The following GAPVD1 variants were observed in gnomAD, a reference collection of about 807,000 sequenced individuals.
The protein encoded by GAPVD1 is GTPase-activating protein and VPS9 domain-containing protein 1.
GAPVD1 carries 35 observed loss-of-function variants against 155.5 expected under a neutral mutation model. That is an observed-to-expected ratio of 0.23 (90% CI 0.17 to 0.30). GAPVD1 has a LOEUF of 0.30. Among genes scored for constraint, GAPVD1 ranks in the 10% least tolerant of loss-of-function variants. The pLI is 1.00. For missense variants in GAPVD1, 1,429 were observed against 1,775.7 expected, an observed-to-expected ratio of 0.80 and a Z score of 3.51; for synonymous variants, 636 against 619.7, an observed-to-expected ratio of 1.03 and a Z score of -0.39.
intron 23 of GAPVD1, among the ~76,000 whole-genome samples, chr9:125,352,052 G>T (rs1849363219): frequency 6.6e-6 from 1 of 152,136 alleles, no homozygotes; most frequent in African/African-American, 2.4e-5. Context: ...GGGTTCCCAT[G>T]GTCTTAGGCA....
intron 1 of GAPVD1, among the ~76,000 whole-genome samples, chr9:125,265,226 T>A (rs1833661875): frequency 6.6e-6 from 1 of 152,158 alleles, no homozygotes; most frequent in Non-Finnish European, 1.5e-5. Context: ...TACTGTGTGA[T>A]CCTAGGTTGT....
chr9:125,304,988 G>A (rs1270156882), intron 5 of GAPVD1, 75 bp from the exon 6 acceptor site: 1 of 932,940 alleles, frequency 1.1e-6, no homozygotes, highest in Non-Finnish European at 1.8e-6. Context: ...GAATAGACGT[G>A]CTTGCTTTCA....
At chr9:125,300,018 C>CAAAATAAAAAAAAAAAAA (rs1564330046) in intron 4 of GAPVD1, among the ~76,000 whole-genome samples, 1 of 1,934 alleles carries the variant, frequency 5.2e-4, no homozygotes, top group African/African-American at 1.5e-3. Context: ...GACTCTGTCT[C>CAAAATAAAAAAAAAAAAA]AAAAGAAAAA....
At chr9:125,270,936 C>T (rs1411053254) in intron 2 of GAPVD1, among the ~76,000 whole-genome samples, 1 of 151,756 alleles carries the variant, frequency 6.6e-6, no homozygotes, top group African/African-American at 2.4e-5. Context: ...GCAACAAGAG[C>T]GAAACTCCAT....
At chr9:125,288,112 ATTTT>A (rs368994271) in intron 2 of GAPVD1, among the ~76,000 whole-genome samples, 1 of 115,310 alleles carries the variant, frequency 8.7e-6, no homozygotes, top group Non-Finnish European at 1.9e-5. Context: ...ATTTTAGTTA[ATTTT>A]TTTTTTTTTT....
At chr9:125,330,272 T>G in intron 13 of GAPVD1, 54 bp downstream of exon 13, 1 of 1,260,664 alleles carries the variant, frequency 7.9e-7, no homozygotes, top group South Asian at 1.4e-5. Flanking sequence ...TTTAATTAAA[T>G]GCAAGGTATC....
At chr9:125,266,539 T>C (rs1017849853) in intron 1 of GAPVD1, among the ~76,000 whole-genome samples, 4 of 152,026 alleles carry the variant, frequency 2.6e-5, no homozygotes, top group Admixed American at 2.6e-4. Context: ...GGTCTTGATC[T>C]CCTGACCTTG....
At chr9:125,306,144 A>G (rs992449409) in intron 6 of GAPVD1, among the ~76,000 whole-genome samples, 4 of 151,868 alleles carry the variant, frequency 2.6e-5, no homozygotes, top group Non-Finnish European at 4.4e-5. Flanking sequence ...GCCCCCACAA[A>G]ACATTCTTTT....
intron 4 of GAPVD1, among the ~76,000 whole-genome samples, chr9:125,301,544 G>T (rs751088628): frequency 6.6e-6 from 1 of 151,848 alleles, no homozygotes; most frequent in South Asian, 2.1e-4. Flanking sequence ...TACCTTCTGG[G>T]TTCAAGTGAT....
intron 6 of GAPVD1, among the ~76,000 whole-genome samples, chr9:125,306,414 T>C (rs1841814923): frequency 6.6e-6 from 1 of 152,244 alleles, no homozygotes; most frequent in Admixed American, 6.5e-5. Flanking sequence ...ACTATATACT[T>C]CCAACCATCC....
intron 2 of GAPVD1, among the ~76,000 whole-genome samples, chr9:125,276,539 A>G (rs1835819802): frequency 6.6e-6 from 1 of 152,116 alleles, no homozygotes; most frequent in Non-Finnish European, 1.5e-5. Context: ...AAATACAAAA[A>G]TTAGCTGAGC....
At chr9:125,359,975 C>G (rs964141803) in intron 26 of GAPVD1, 2 of 154,978 alleles carry the variant, frequency 1.3e-5, no homozygotes, top group African/African-American at 2.4e-5. Flanking sequence ...TTTGAGCTTT[C>G]TGTTTGTTTT....
At chr9:125,311,171 C>T (rs1842634485) in intron 8 of GAPVD1, among the ~76,000 whole-genome samples, 1 of 152,258 alleles carries the variant, frequency 6.6e-6, no homozygotes, top group Middle Eastern at 3.4e-3. Context: ...TTTTCATCTG[C>T]TTATACACAG....
At chr9:125,275,695 G>T (rs1195556576) in intron 2 of GAPVD1, among the ~76,000 whole-genome samples, 1 of 152,178 alleles carries the variant, frequency 6.6e-6, no homozygotes, top group Non-Finnish European at 1.5e-5. Context: ...GGTTGAGGTT[G>T]CAGTAAGCTG....
rs770062445 is a variant in GAPVD1, at chr9:125,360,673, C to G, written c.4190C>G (p.Ser1397Cys). 13 of 1,613,992 alleles carry G rather than the reference C, an allele frequency of 8.1e-6. No individual in the cohort carries two copies. The highest frequency in any genetic ancestry group is 1.1e-5 in the South Asian group (1 of 91,078). ...MNLLSLANED[S>C]VPGADDFVPV... ...CTCCTGAGCCTGGCCAATGAGGACT[C>G]TGTCCCTGGAGCGGATGACTTTGTT... The change falls in exon 27 of 28, where the codon TCT (serine) becomes TGT (cysteine). Residue 1397 changes from serine (S) to cysteine (C), a missense_variant. Transcript: ENST00000297933.
chr9:125,348,203 G>A (rs931673832), intron 20 of GAPVD1, among the ~76,000 whole-genome samples: 2 of 152,008 alleles, frequency 1.3e-5, no homozygotes, highest in African/African-American at 2.4e-5. Flanking sequence ...CCACAAGCAC[G>A]TTCCACTGTG....
intron 8 of GAPVD1, among the ~76,000 whole-genome samples, chr9:125,310,933 G>A (rs1396578626): frequency 1.3e-5 from 2 of 151,510 alleles, no homozygotes; most frequent in African/African-American, 4.9e-5. Flanking sequence ...TCCGCCTCCC[G>A]GGTTCAAGTG....
intron 8 of GAPVD1, among the ~76,000 whole-genome samples, chr9:125,312,010 A>C (rs1211592906): frequency 6.6e-6 from 1 of 152,152 alleles, no homozygotes. Flanking sequence ...GTAATCCCTC[A>C]TATGAAATTT....
At chr9:125,291,837 G>A (rs1267750806) in intron 2 of GAPVD1, among the ~76,000 whole-genome samples, 1 of 152,086 alleles carries the variant, frequency 6.6e-6, no homozygotes, top group Admixed American at 6.6e-5. Flanking sequence ...CTCCAGAAAA[G>A]GTTCAAGTTA....
Sources: gnomAD v4.1 joint callset for allele counts (sites outside exome capture counted in the v4.1 genomes callset) on GRCh38, gnomAD v4.1.1 for gene constraint, MANE v1.5 for transcripts, NCBI Gene and HGNC (gene_info 2026-07-23, HGNC 2026-07-21) for gene names.